The following BNC2 variants were observed in gnomAD, a reference collection of about 807,000 sequenced individuals.
BNC2 encodes basonuclin zinc finger protein 2, also known as zinc finger protein basonuclin-2.
In BNC2, 20 loss-of-function variants were observed where a neutral mutation model predicts 76.3. That is an observed-to-expected ratio of 0.26 (90% CI 0.18 to 0.38). BNC2 has a LOEUF of 0.38. BNC2 is among the 10% of genes least tolerant of loss of function. The pLI, the probability that BNC2 is intolerant of heterozygous loss-of-function variation, is 1.00. For missense variants in BNC2, 1,382 were observed against 1,399.8 expected, an observed-to-expected ratio of 0.99 and a Z score of 0.20; for synonymous variants, 582 against 514.8, an observed-to-expected ratio of 1.13 and a Z score of -1.77.
At chr9:16,542,119 G>A (rs1818339600) in intron 5 of BNC2, among the ~76,000 whole-genome samples, 1 of 152,112 alleles carries the variant, frequency 6.6e-6, no homozygotes, top group Non-Finnish European at 1.5e-5. Context: ...CTTTAAGAGA[G>A]AAAATTACAT....
intron 1 of BNC2, among the ~76,000 whole-genome samples, chr9:16,841,394 C>T (rs73649049): frequency 0.018 from 2,744 of 152,328 alleles, 76 homozygotes; most frequent in African/African-American, 0.063. Flanking sequence ...GCCTATGCTA[C>T]TTCCACTACA....
At chr9:16,671,948 G>A (rs183716943) in intron 3 of BNC2, among the ~76,000 whole-genome samples, 1 of 152,312 alleles carries the variant, frequency 6.6e-6, no homozygotes, top group African/African-American at 2.4e-5. Flanking sequence ...TACATTGTAA[G>A]GTTGTCTTAT....
chr9:16,494,045 GATACA>G lies in BNC2; in HGVS notation c.670-56526_670-56522del, dbSNP rs200300332. Among the ~76,000 whole-genome samples, 43 of 152,278 alleles carry G rather than the reference GATACA, an allele frequency of 2.8e-4. No homozygotes were observed. The East Asian group carries it at 8.1e-3, about 29-fold the overall frequency. On this transcript the variant is annotated intron_variant, in intron 5 of 6. Coordinates refer to ENST00000380672, the MANE Select transcript of BNC2 (RefSeq NM_017637.6). Reference sequence around the variant, plus strand: ...GTTTGGTTTTGTCCTAGGCACTGGAGATACAACACTGAATAAAACAGACAAACCCC... The same window carrying G: ...GTTTGGTTTTGTCCTAGGCACTGGAGACACTGAATAAAACAGACAAACCCC...
intron 3 of BNC2, among the ~76,000 whole-genome samples, chr9:16,688,084 G>C (rs896862350): frequency 1.3e-5 from 2 of 152,128 alleles, no homozygotes; most frequent in African/African-American, 4.8e-5. Context: ...TCTAAAAAAT[G>C]AGGGATAAGA....
In BNC2 at chr9:16,558,410, G is replaced by A. The variant is rs529719533; in HGVS notation, c.434-5645C>T. Among the ~76,000 whole-genome samples the A allele has an allele frequency of 4.3e-4, 65 of 152,150 alleles. 1 individual carries two copies. Among genetic ancestry groups the A allele is most frequent in the South Asian group, 4.1e-4 (2 of 4,828 alleles). On this transcript the variant is annotated intron_variant, in intron 4 of 6. Coordinates refer to ENST00000380672, the MANE Select transcript of BNC2 (RefSeq NM_017637.6). ...GACAATCTGACAAATATCTAGTACT[G>A]ATAATATTGTTTGATTGAGAAGATT...
At chr9:16,477,036 G>A (rs900705528) in intron 5 of BNC2, among the ~76,000 whole-genome samples, 1 of 152,156 alleles carries the variant, frequency 6.6e-6, no homozygotes, top group Non-Finnish European at 1.5e-5. Context: ...AAACCACCAT[G>A]TTGCTCCATC....
At chr9:16,830,343 A>T (rs944288130) in intron 1 of BNC2, among the ~76,000 whole-genome samples, 10 of 152,182 alleles carry the variant, frequency 6.6e-5, no homozygotes, top group Admixed American at 1.3e-4. Flanking sequence ...GGATAGCAAA[A>T]TCTTCGAACG....
intron 1 of BNC2, among the ~76,000 whole-genome samples, chr9:16,769,374 A>C (rs1464198542): frequency 1.3e-5 from 2 of 152,206 alleles, no homozygotes; most frequent in African/African-American, 4.8e-5. Context: ...TCACAACAAC[A>C]GGTTAAAGAA....
intron 1 of BNC2, among the ~76,000 whole-genome samples, chr9:16,742,392 TG>T (rs1316961419): frequency 6.6e-6 from 1 of 152,244 alleles, no homozygotes; most frequent in African/African-American, 2.4e-5. Context: ...ACCAGCTTTC[TG>T]CCCAATTAGC....
chr9:16,677,395 A>G (rs901292952), intron 3 of BNC2, among the ~76,000 whole-genome samples: 8 of 152,154 alleles, frequency 5.3e-5, no homozygotes, highest in Non-Finnish European at 1.2e-4. Flanking sequence ...CAACATGGTG[A>G]AACTCCATCT....
intron 4 of BNC2, among the ~76,000 whole-genome samples, chr9:16,562,473 T>G (rs1003762927): frequency 2.0e-5 from 3 of 152,170 alleles, no homozygotes; most frequent in Non-Finnish European, 2.9e-5. Flanking sequence ...TTACCTAATT[T>G]CTTTCAGAAA....
intron 5 of BNC2, among the ~76,000 whole-genome samples, chr9:16,489,712 T>C (rs942253334): frequency 6.6e-6 from 1 of 152,196 alleles, no homozygotes; most frequent in African/African-American, 2.4e-5. Flanking sequence ...ATGGCAGGTT[T>C]GAAGTACTCT....
At chr9:16,513,122 T>A (rs10122434) in intron 5 of BNC2, among the ~76,000 whole-genome samples, 16,775 of 151,842 alleles carry the variant, frequency 0.11, 1,252 homozygotes, top group East Asian at 0.29. Flanking sequence ...AGAATGAGAC[T>A]CTGTCTCAAA....
At chr9:16,629,270 C>G (rs527446397) in intron 3 of BNC2, among the ~76,000 whole-genome samples, 1 of 152,254 alleles carries the variant, frequency 6.6e-6, no homozygotes, top group South Asian at 2.1e-4. Flanking sequence ...AACATCACAT[C>G]TTTTTATTTA....
At chr9:16,741,696 G>C (rs560360866) in intron 1 of BNC2, among the ~76,000 whole-genome samples, 2 of 151,884 alleles carry the variant, frequency 1.3e-5, no homozygotes, top group African/African-American at 4.8e-5. Context: ...GGTGGCTCAC[G>C]CCTGTAATCC....
rs10962632 is a variant in BNC2, at chr9:16,840,625, G to C, written c.3+30021C>G. On this transcript the variant is annotated intron_variant, in intron 1 of 6. Transcript: ENST00000380672. ...TTTGTCACTAAGACTCAAGAACTTA[G>C]ATGGTAAGATATACCAAAAGCAAAA... Among the ~76,000 whole-genome samples the C allele has an allele frequency of 2.6e-4, 39 of 152,290 alleles. No individual in the cohort carries two copies. The East Asian group carries it at 5.4e-3, about 21-fold the overall frequency.
intron 1 of BNC2, among the ~76,000 whole-genome samples, chr9:16,797,725 C>A (rs563663904): frequency 6.6e-6 from 1 of 152,106 alleles, no homozygotes; most frequent in South Asian, 2.1e-4. Context: ...GGGTTTCTTG[C>A]CACCCTAGAA....
At chr9:16,595,912 A>G (rs1323488495) in intron 3 of BNC2, among the ~76,000 whole-genome samples, 1 of 152,168 alleles carries the variant, frequency 6.6e-6, no homozygotes, top group East Asian at 1.9e-4. Flanking sequence ...AAAGTCTTCT[A>G]GAACAACGTT....
At chr9:16,597,870 C>T (rs16934842) in intron 3 of BNC2, among the ~76,000 whole-genome samples, 7,854 of 151,624 alleles carry the variant, frequency 0.052, 242 homozygotes, top group Middle Eastern at 0.12. Context: ...TCTTTCATTC[C>T]GTGCCTGGTT....
Sources: allele counts gnomAD v4.1 joint callset (sites outside exome capture counted in the v4.1 genomes callset), GRCh38; gene constraint gnomAD v4.1.1; transcripts MANE v1.5; gene names NCBI Gene and HGNC (gene_info 2026-07-23, HGNC 2026-07-21).